SNX18: variants seen among roughly 807,000 people sequenced by gnomAD.
The protein encoded by SNX18 is sorting nexin 18.
Under a neutral mutation model 48.7 loss-of-function variants are expected in SNX18, and 35 were observed. The ratio of observed to expected loss-of-function variants is 0.72; its 90% CI spans 0.55 to 0.95. SNX18 has a LOEUF of 0.95. Among genes scored for constraint, SNX18 ranks in the 40% least tolerant of loss-of-function variants. The probability of loss-of-function intolerance (pLI) is 0.00; values close to 1 mark genes in which losing one functional copy is unlikely to be tolerated. For synonymous variants in SNX18, 492 were observed against 384.7 expected (o/e 1.28, Z -3.26); for missense variants, 824 against 871.0 (o/e 0.95, Z 0.68).
At chr5:54,596,906 C>T in the SNX18 span, among the ~76,000 whole-genome samples, 1 of 152,030 alleles carries the variant, frequency 6.6e-6, no homozygotes, top group Non-Finnish European at 1.5e-5. Context: ...AGAGAGGTCT[C>T]TCGACCAGAT....
intron 1 of SNX18, among the ~76,000 whole-genome samples, chr5:54,525,974 G>A (rs952823975): frequency 3.9e-5 from 6 of 152,260 alleles, no homozygotes; most frequent in South Asian, 2.1e-4. Context: ...TAGGAACTTC[G>A]AATGTAAAAG....
chr5:54,525,651 T>C (rs1348109346), intron 1 of SNX18, among the ~76,000 whole-genome samples: 1 of 152,202 alleles, frequency 6.6e-6, no homozygotes, highest in Non-Finnish European at 1.5e-5. Flanking sequence ...TCCTCCTGGC[T>C]CCCCTCTAAC....
At chr5:54,613,456 C>T in the SNX18 span, among the ~76,000 whole-genome samples, 1 of 152,174 alleles carries the variant, frequency 6.6e-6, no homozygotes, top group South Asian at 2.1e-4. Context: ...GCAATACAGG[C>T]CTTAATCCAT....
rs1045139667 is a variant in SNX18, at chr5:54,544,090, A to G, written c.*658A>G. The G allele has an allele frequency of 6.6e-6, 1 of 152,242 alleles. No homozygotes were observed. The highest frequency in any genetic ancestry group is 1.5e-5 in the Non-Finnish European group (1 of 68,106). The allele number at this position is 152,242 out of a possible 1,614,324, so 9.4% of individuals were successfully genotyped here. A position where few individuals can be genotyped will look rare whatever the true frequency, so the allele number is the denominator to read the frequency against. On this transcript the variant is annotated 3_prime_UTR_variant, in exon 2 of 2. Transcript: ENST00000381410. ...GTCATCAATTTGCACAGCAAGTATT[A>G]TCTCCTGATAAGATGCTGGTGAATG...
chr5:54,561,369 G>T, the SNX18 span, among the ~76,000 whole-genome samples: 1 of 149,166 alleles, frequency 6.7e-6, no homozygotes, highest in Admixed American at 6.7e-5. Flanking sequence ...TTTTTATTTC[G>T]ACAGGGTCTC....
chr5:54,612,777 G>A, the SNX18 span, among the ~76,000 whole-genome samples: 1 of 151,964 alleles, frequency 6.6e-6, no homozygotes, highest in Admixed American at 6.6e-5. Context: ...TACAGTCTTC[G>A]CCAAGGACAA....
At position 54,518,206 on chromosome 5, in the gene SNX18, G is replaced by A. The variant is rs1761911858; in HGVS notation, c.254G>A (p.Gly85Asp). The A allele has an allele frequency of 7.2e-6, 10 of 1,397,102 alleles. No homozygotes were observed. In the South Asian group the frequency reaches 9.7e-5, roughly 14 times the overall value. The allele number at this position is 1,397,102 out of a possible 1,614,324, so 86.5% of individuals were successfully genotyped here. A position where few individuals can be genotyped will look rare whatever the true frequency, so the allele number is the denominator to read the frequency against. Residue 85 changes from glycine to aspartate, a missense_variant, in exon 1 of 2, where the codon GGC becomes GAC. Physicochemically the swap from Gly to Asp is moderately conservative, Grantham distance 94. Around this residue, in one of 3 missense-constraint regions of SNX18, gnomAD observed 377 missense variants for 350.6 expected, o/e 1.08. Coordinates refer to ENST00000381410, the MANE Select transcript of SNX18 (RefSeq NM_001102575.2). ...PARYANVPPG[G>D]FEPLPVAPPA... ...CGCTACGCCAATGTGCCCCCCGGGGGCTTCGAGCCCCTGCCTGTCGCGCCC... is the reference window on the plus strand; with the variant it reads ...CGCTACGCCAATGTGCCCCCCGGGGACTTCGAGCCCCTGCCTGTCGCGCCC...
chr5:54,616,988 T>C, the SNX18 span, among the ~76,000 whole-genome samples: 2 of 152,180 alleles, frequency 1.3e-5, no homozygotes, highest in Non-Finnish European at 2.9e-5. Context: ...CTGGTTTTTA[T>C]CTCTGAGTCA....
rs1025221529 is a variant in SNX18, at chr5:54,544,644, C to G, written c.*1212C>G. ...AAAAAGGTATTGATGAGCCCCCCCC[C>G]CCCAGGACATTTAACCTTAAAATTT... On this transcript the variant is annotated 3_prime_UTR_variant, in exon 2 of 2. Coordinates refer to ENST00000381410, the MANE Select transcript of SNX18 (RefSeq NM_001102575.2). The G allele has an allele frequency of 2.2e-5, 3 of 137,606 alleles. No homozygotes were observed. Among genetic ancestry groups the G allele is most frequent in the East Asian group, 2.3e-4 (1 of 4,308 alleles). The allele number at this position is 137,606 out of a possible 1,614,324, so 8.5% of individuals were successfully genotyped here. A position where few individuals can be genotyped will look rare whatever the true frequency, so the allele number is the denominator to read the frequency against.
At chr5:54,566,080 G>GT in the SNX18 span, among the ~76,000 whole-genome samples, 1 of 152,058 alleles carries the variant, frequency 6.6e-6, no homozygotes. Context: ...ACCTGGATAT[G>GT]GTCTTATTAA....
the SNX18 span, among the ~76,000 whole-genome samples, chr5:54,611,311 T>C: frequency 6.6e-6 from 1 of 152,082 alleles, no homozygotes; most frequent in Non-Finnish European, 1.5e-5. Context: ...CCCGCCCCAG[T>C]AGGAAGCATG....
At chr5:54,524,085 A>G (rs1481336973) in intron 1 of SNX18, among the ~76,000 whole-genome samples, 3 of 152,166 alleles carry the variant, frequency 2.0e-5, no homozygotes, top group South Asian at 2.1e-4. Context: ...ATTTACCCCC[A>G]GCTGTTCTCT....
chr5:54,550,586 T>C (rs946558993), downstream of SNX18, among the ~76,000 whole-genome samples: 26 of 152,294 alleles, frequency 1.7e-4, no homozygotes, highest in Non-Finnish European at 2.9e-4. Flanking sequence ...ATGCGGTAGA[T>C]GATTATTATT....
At chr5:54,542,576 C>T (rs1296265381) in intron 1 of SNX18, among the ~76,000 whole-genome samples, 1 of 152,212 alleles carries the variant, frequency 6.6e-6, no homozygotes, top group Non-Finnish European at 1.5e-5. Flanking sequence ...AGATAATGGG[C>T]TAGGCCAGCC....
the SNX18 span, among the ~76,000 whole-genome samples, chr5:54,614,798 A>G: frequency 1.3e-5 from 2 of 152,198 alleles, no homozygotes; most frequent in African/African-American, 4.8e-5. Flanking sequence ...GGGTGATTAA[A>G]TCTTTTAAAA....
chr5:54,520,988 A>C (rs1250091112), intron 1 of SNX18: 2 of 166,722 alleles, frequency 1.2e-5, no homozygotes, highest in African/African-American at 4.8e-5. Flanking sequence ...GCCTGTATTA[A>C]ACCTGTATTT....
chr5:54,538,376 C>A (rs1266557522), intron 1 of SNX18, among the ~76,000 whole-genome samples: 1 of 152,128 alleles, frequency 6.6e-6, no homozygotes, highest in Non-Finnish European at 1.5e-5. Flanking sequence ...GCGTGTTAGT[C>A]CCCAAGTGTT....
At chr5:54,603,908 T>C in the SNX18 span, among the ~76,000 whole-genome samples, 3 of 152,196 alleles carry the variant, frequency 2.0e-5, no homozygotes, top group Non-Finnish European at 4.4e-5. Context: ...ATCCTTGCCC[T>C]CAAGTGGGGG....
At chr5:54,599,599 C>A in the SNX18 span, among the ~76,000 whole-genome samples, 1 of 152,128 alleles carries the variant, frequency 6.6e-6, no homozygotes, top group African/African-American at 2.4e-5. Flanking sequence ...TAAAAGGCTA[C>A]AATAGCCAAA....
Sources: gnomAD v4.1 joint callset for allele counts (sites outside exome capture counted in the v4.1 genomes callset) on GRCh38, gnomAD v4.1.1 for gene constraint, gnomAD v4.1.1 regional missense constraint, MANE v1.5 for transcripts, NCBI Gene and HGNC (gene_info 2026-07-23, HGNC 2026-07-21) for gene names.